The following MACO1 variants were observed in gnomAD, a reference collection of about 807,000 sequenced individuals.
The protein encoded by MACO1 is macoilin.
Under a neutral mutation model 78.7 loss-of-function variants are expected in MACO1, and 14 were observed. That is an observed-to-expected ratio of 0.18 (90% CI 0.12 to 0.28). MACO1 has a LOEUF of 0.28. Ranked by LOEUF, MACO1 falls within the 10% of genes least tolerant of loss-of-function variation. The pLI is 1.00. For synonymous variants in MACO1, 288 were observed against 291.6 expected, an observed-to-expected ratio of 0.99 and a Z score of 0.12; for missense variants, 501 against 799.0, an observed-to-expected ratio of 0.63 and a Z score of 4.50.
chr1:25,489,149 T>C (rs756729612), intron 8 of MACO1, 24 bp from the exon 9 acceptor site: 1 of 1,609,628 alleles, frequency 6.2e-7, no homozygotes, highest in East Asian at 2.2e-5. Flanking sequence ...AATCACTTTA[T>C]TTCCTTCTCT....
chr1:25,489,159 T>C lies in MACO1; in HGVS notation c.1497-14T>C. The C allele has an allele frequency of 6.2e-7, 1 of 1,612,094 alleles. No individual in the cohort carries two copies. On this transcript the variant is annotated splice_polypyrimidine_tract_variant and intron_variant, in intron 8 of 10. Transcript: ENST00000374343. ...TTTTAAATCACTTTATTTCCTTCTC[T>C]TCTTTTTCAAAAGGGGAGAATGCAC...
At chr1:25,447,971 G>A (rs890949513) in intron 2 of MACO1, among the ~76,000 whole-genome samples, 25 of 152,124 alleles carry the variant, frequency 1.6e-4, no homozygotes, top group Admixed American at 1.2e-3. Context: ...TTCTATTGGC[G>A]GTAGTGGTGT....
intron 6 of MACO1, among the ~76,000 whole-genome samples, chr1:25,478,251 A>C: frequency 6.6e-6 from 1 of 152,152 alleles, no homozygotes; most frequent in East Asian, 1.9e-4. Flanking sequence ...TCTCAAAAAA[A>C]TTTTTTCAAT....
At chr1:25,467,847 A>G (rs1391031443) in intron 6 of MACO1, among the ~76,000 whole-genome samples, 2 of 151,780 alleles carry the variant, frequency 1.3e-5, no homozygotes, top group African/African-American at 2.4e-5. Context: ...AGAAGATTAC[A>G]TGGCTGGTGT....
At chr1:25,438,867 C>T (rs1473853713) in intron 1 of MACO1, among the ~76,000 whole-genome samples, 3 of 151,434 alleles carry the variant, frequency 2.0e-5, no homozygotes, top group Admixed American at 6.6e-5. Context: ...CCACTGCACT[C>T]CAGCCTAGGC....
intron 10 of MACO1, among the ~76,000 whole-genome samples, chr1:25,497,699 T>C (rs1219137456): frequency 6.6e-6 from 1 of 152,186 alleles, no homozygotes; most frequent in African/African-American, 2.4e-5. Flanking sequence ...TCAGAGAACC[T>C]GGTGGCAGAA....
chr1:25,495,616 C>T (rs1336886333), intron 10 of MACO1, among the ~76,000 whole-genome samples: 1 of 152,148 alleles, frequency 6.6e-6, no homozygotes, highest in Non-Finnish European at 1.5e-5. Flanking sequence ...AATCAAACCT[C>T]TTGTTGCTTT....
At chr1:25,472,333 T>G (rs1482746746) in intron 6 of MACO1, among the ~76,000 whole-genome samples, 1 of 152,108 alleles carries the variant, frequency 6.6e-6, no homozygotes, top group African/African-American at 2.4e-5. Context: ...TCATCTACAT[T>G]AGGTATTTCT....
chr1:25,471,131 G>A (rs1187117867), intron 6 of MACO1, among the ~76,000 whole-genome samples: 2 of 152,138 alleles, frequency 1.3e-5, no homozygotes, highest in Non-Finnish European at 2.9e-5. Flanking sequence ...ATAAGGCCAG[G>A]AGTTCGAGAC....
chr1:25,489,940 G>T (rs2043470063), intron 9 of MACO1, among the ~76,000 whole-genome samples: 1 of 152,118 alleles, frequency 6.6e-6, no homozygotes, highest in African/African-American at 2.4e-5. Context: ...GATGGGAAAG[G>T]TAACGATTAG....
chr1:25,489,086 G>T (rs985971261), intron 8 of MACO1, 87 bp from the exon 9 acceptor site: 2 of 1,480,926 alleles, frequency 1.4e-6, no homozygotes, highest in Non-Finnish European at 1.8e-6. Flanking sequence ...CTCCCAAAGT[G>T]CTGGGATTAC....
chr1:25,436,982 A>C (rs2042924259), intron 1 of MACO1, among the ~76,000 whole-genome samples: 1 of 152,148 alleles, frequency 6.6e-6, no homozygotes, highest in South Asian at 2.1e-4. Flanking sequence ...TTAGTGATTA[A>C]AATGGTGTGA....
intron 6 of MACO1, among the ~76,000 whole-genome samples, chr1:25,474,552 ACAC>A (rs1246392466): frequency 3.3e-5 from 5 of 152,254 alleles, no homozygotes; most frequent in Admixed American, 3.3e-4. Context: ...CTAGAGTGAA[ACAC>A]CACTCCCTTT....
chr1:25,456,050 G>A (rs2043117154), intron 4 of MACO1, among the ~76,000 whole-genome samples: 1 of 152,116 alleles, frequency 6.6e-6, no homozygotes, highest in South Asian at 2.1e-4. Context: ...ACGAGGTCGA[G>A]AGATCGAGAC....
At chr1:25,431,389 A>G (rs2042865672) in intron 1 of MACO1, among the ~76,000 whole-genome samples, 1 of 146,046 alleles carries the variant, frequency 6.8e-6, no homozygotes, top group South Asian at 2.1e-4. Context: ...CCGGGCGGGC[A>G]GGGCGCGGCG....
chr1:25,499,082 T>A lies in MACO1; in HGVS notation c.*616T>A, dbSNP rs1459345004. On this transcript the variant is annotated 3_prime_UTR_variant, in exon 11 of 11. Coordinates refer to ENST00000374343, the MANE Select transcript of MACO1 (RefSeq NM_018202.6). ...CTAGCTGTAAGAATGTAACAGGGGT[T>A]GTGTTTGAAATATTTATATTCCCAT... The A allele has an allele frequency of 1.3e-5, 2 of 152,356 alleles. No individual in the cohort carries two copies. The highest frequency in any genetic ancestry group is 2.9e-5 in the Non-Finnish European group (2 of 68,040). The allele number at this position is 152,356 out of a possible 1,614,324, so 9.4% of individuals were successfully genotyped here. A position where few individuals can be genotyped will look rare whatever the true frequency, so the allele number is the denominator to read the frequency against.
At chr1:25,461,577 C>T (rs1391812984) in intron 6 of MACO1, among the ~76,000 whole-genome samples, 2 of 151,456 alleles carry the variant, frequency 1.3e-5, no homozygotes, top group African/African-American at 2.4e-5. Context: ...TCTTCCTTCC[C>T]CCCCCTCAAA....
At chr1:25,484,082 C>T in intron 6 of MACO1, 34 bp from the exon 7 acceptor site, 1 of 1,582,860 alleles carries the variant, frequency 6.3e-7, no homozygotes, top group South Asian at 1.2e-5. Context: ...GTGCCCTCAC[C>T]TAGATGAAAA....
intron 6 of MACO1, among the ~76,000 whole-genome samples, chr1:25,466,748 C>G (rs537955944): frequency 1.3e-5 from 2 of 152,328 alleles, no homozygotes; most frequent in South Asian, 4.1e-4. Flanking sequence ...GCTTTTTACT[C>G]TCTTCACAGT....
Sources: gnomAD v4.1 joint callset for allele counts (sites outside exome capture counted in the v4.1 genomes callset) on GRCh38, gnomAD v4.1.1 for gene constraint, MANE v1.5 for transcripts, NCBI Gene and HGNC (gene_info 2026-07-23, HGNC 2026-07-21) for gene names.